Variants in MAPK4 observed in about 807,000 individuals in gnomAD.
MAPK4 encodes the protein mitogen-activated protein kinase 4, also known as Erk3-related.
MAPK4 carries 22 observed loss-of-function variants against 47.7 expected under a neutral mutation model. The observed-to-expected ratio is 0.46, with a 90% CI of 0.33 to 0.66. The LOEUF (loss-of-function observed/expected upper bound fraction) is 0.66. Ranked by LOEUF, MAPK4 falls within the 30% of genes least tolerant of loss-of-function variation. The pLI is 0.02. For missense variants in MAPK4, 736 were observed against 831.7 expected (o/e 0.88, Z 1.42); for synonymous variants, 390 against 365.7 (o/e 1.07, Z -0.76).
intron 4 of MAPK4, among the ~76,000 whole-genome samples, chr18:50,723,507 C>A (rs1320591717): frequency 2.0e-5 from 3 of 152,174 alleles, no homozygotes; most frequent in African/African-American, 4.8e-5. Context: ...TTGGGGAAAC[C>A]ACTGAAGGCA....
At chr18:50,633,700 A>T (rs1179986605) in intron 1 of MAPK4, among the ~76,000 whole-genome samples, 1 of 152,210 alleles carries the variant, frequency 6.6e-6, no homozygotes, top group Non-Finnish European at 1.5e-5. Flanking sequence ...TAAACTCCCG[A>T]AATCTTACTA....
At chr18:50,620,153 G>T (rs2042719047) in intron 1 of MAPK4, among the ~76,000 whole-genome samples, 1 of 152,188 alleles carries the variant, frequency 6.6e-6, no homozygotes, top group Non-Finnish European at 1.5e-5. Context: ...CTTTGGCATG[G>T]GTTCCCAGTG....
intron 1 of MAPK4, among the ~76,000 whole-genome samples, chr18:50,592,025 C>G (rs181065697): frequency 1.3e-5 from 2 of 152,146 alleles, no homozygotes; most frequent in Non-Finnish European, 2.9e-5. Context: ...GCCAGAAAGA[C>G]CAAAAAGTCC....
chr18:50,592,375 G>A (rs2042443896), intron 1 of MAPK4, among the ~76,000 whole-genome samples: 1 of 152,172 alleles, frequency 6.6e-6, no homozygotes, highest in Non-Finnish European at 1.5e-5. Context: ...ATGTGGAATT[G>A]AGGACACAAA....
At chr18:50,617,698 T>A (rs577492609) in intron 1 of MAPK4, among the ~76,000 whole-genome samples, 7 of 152,298 alleles carry the variant, frequency 4.6e-5, no homozygotes, top group African/African-American at 1.7e-4. Flanking sequence ...ATGAGAGAAA[T>A]GTGACAGGCT....
At position 50,663,843 on chromosome 18, in the gene MAPK4, T is replaced by C. The variant is rs1907419511; in HGVS notation, c.-116T>C. On this transcript the variant is annotated 5_prime_UTR_variant, in exon 2 of 6. Transcript: ENST00000400384. ...AGTGACCTCACTAGGAGAAAACACA[T>C]CCCTCAGCCGTGGGACTTGACAGAA... 2 of 865,196 alleles carry C rather than the reference T, an allele frequency of 2.3e-6. No homozygotes were observed. 53.6% of individuals were successfully genotyped at this position (865,196 alleles called of 1,614,324 possible). A position where few individuals can be genotyped will look rare whatever the true frequency, so the allele number is the denominator to read the frequency against.
intron 1 of MAPK4, among the ~76,000 whole-genome samples, chr18:50,606,621 C>G (rs2042585553): frequency 6.6e-6 from 1 of 152,130 alleles, no homozygotes; most frequent in Non-Finnish European, 1.5e-5. Context: ...TGTGACCTAC[C>G]TAAACCAAGG....
chr18:50,666,293 C>T lies in MAPK4; in HGVS notation c.546+1789C>T, dbSNP rs1295711118. On this transcript the variant is annotated intron_variant, in intron 2 of 5. Transcript: ENST00000400384. Reference sequence around the variant, plus strand: ...AGTCAGAGGTCTGGGTTCCTTCTAACAGTGCTAGCTTGGATGTAGATAGTC... The same window carrying T: ...AGTCAGAGGTCTGGGTTCCTTCTAATAGTGCTAGCTTGGATGTAGATAGTC... 2.0e-5 allele frequency among the ~76,000 whole-genome samples: 3 copies of T among 152,200 alleles called. No individual in the cohort carries two copies. In the South Asian group the frequency reaches 6.2e-4, roughly 32 times the overall value.
At chr18:50,585,674 A>G (rs2042382061) in intron 1 of MAPK4, among the ~76,000 whole-genome samples, 1 of 152,188 alleles carries the variant, frequency 6.6e-6, no homozygotes, top group South Asian at 2.1e-4. Flanking sequence ...TGGTAAGTAG[A>G]TATATTAGTC....
At chr18:50,693,996 A>C (rs1445089103) in intron 2 of MAPK4, among the ~76,000 whole-genome samples, 2 of 152,244 alleles carry the variant, frequency 1.3e-5, no homozygotes, top group South Asian at 4.1e-4. Flanking sequence ...GAGAAGGCTC[A>C]TGCACAGGGC....
intron 4 of MAPK4, among the ~76,000 whole-genome samples, chr18:50,723,744 G>A (rs1285049035): frequency 6.6e-6 from 1 of 151,848 alleles, no homozygotes; most frequent in Non-Finnish European, 1.5e-5. Context: ...CACACCTATG[G>A]TCTCAGCTAC....
intron 1 of MAPK4, among the ~76,000 whole-genome samples, chr18:50,631,525 G>A (rs2042829842): frequency 6.6e-6 from 1 of 152,186 alleles, no homozygotes; most frequent in African/African-American, 2.4e-5. Context: ...GGTCAACTTA[G>A]CGTCTCCTAA....
intron 4 of MAPK4, among the ~76,000 whole-genome samples, chr18:50,723,138 G>A (rs2144477046): frequency 6.6e-6 from 1 of 152,326 alleles, no homozygotes; most frequent in South Asian, 2.1e-4. Context: ...CTTCCAGGCA[G>A]AGTTGGGAGC....
Position 50,714,957 on chromosome 18 carries a change from G to A in MAPK4, c.547-122G>A, listed in dbSNP as rs188879895. On this transcript the variant is annotated intron_variant, in intron 2 of 5. Coordinates refer to ENST00000400384, the MANE Select transcript of MAPK4 (RefSeq NM_002747.4). ...ATGCTCCTTCAAGATCAATGGGAAA[G>A]GGGCAAGAATGAAAGGGACCCTGAA... is the stretch of plus-strand genomic sequence containing the variant. The A allele has an allele frequency of 3.4e-3, 3,255 of 956,118 alleles. 10 individuals carry two copies. The highest frequency in any genetic ancestry group is 4.3e-3 in the Non-Finnish European group (2,754 of 634,996). The allele number at this position is 956,118 out of a possible 1,614,324, so 59.2% of individuals were successfully genotyped here.
chr18:50,643,655 C>T (rs1263198214), intron 1 of MAPK4, among the ~76,000 whole-genome samples: 1 of 152,166 alleles, frequency 6.6e-6, no homozygotes, highest in Non-Finnish European at 1.5e-5. Flanking sequence ...GGAGAAGGAA[C>T]CGCCTGCTTT....
intron 2 of MAPK4, among the ~76,000 whole-genome samples, chr18:50,700,396 A>G (rs909486769): frequency 4.6e-5 from 7 of 152,242 alleles, no homozygotes; most frequent in Non-Finnish European, 7.3e-5. Flanking sequence ...CAAACTCTCC[A>G]TATAAATACA....
intron 1 of MAPK4, among the ~76,000 whole-genome samples, chr18:50,586,347 A>C (rs1354626577): frequency 1.3e-5 from 2 of 151,966 alleles, no homozygotes; most frequent in Non-Finnish European, 2.9e-5. Flanking sequence ...TCCTATAAAA[A>C]TGCAAATTAT....
chr18:50,719,777 T>A (rs1025445339), intron 3 of MAPK4, among the ~76,000 whole-genome samples: 1 of 152,206 alleles, frequency 6.6e-6, no homozygotes, highest in South Asian at 2.1e-4. Context: ...CGAGACTGTA[T>A]AATCCACAGT....
intron 1 of MAPK4, among the ~76,000 whole-genome samples, chr18:50,648,305 A>G (rs996201153): frequency 6.6e-6 from 1 of 152,132 alleles, no homozygotes; most frequent in Non-Finnish European, 1.5e-5. Context: ...GTGGTGAATC[A>G]GGGAAGATCA....
Sources: gnomAD v4.1 joint callset for allele counts (sites outside exome capture counted in the v4.1 genomes callset) on GRCh38, gnomAD v4.1.1 for gene constraint, MANE v1.5 for transcripts, NCBI Gene and HGNC (gene_info 2026-07-23, HGNC 2026-07-21) for gene names.